Variants in ARNT2 observed in about 807,000 individuals in gnomAD.
ARNT2 encodes the protein ARNT protein 2.
ARNT2 carries 36 observed loss-of-function variants against 91.7 expected under a neutral mutation model. The observed-to-expected ratio is 0.39, with a 90% CI of 0.30 to 0.52. ARNT2 has a LOEUF of 0.52. ARNT2 is among the 20% of genes least tolerant of loss of function. ARNT2 has a pLI of 0.72. For synonymous variants in ARNT2, 365 were observed against 347.1 expected (o/e 1.05, Z -0.57); for missense variants, 775 against 939.3 (o/e 0.83, Z 2.29).
chr15:80,467,133 G>T (rs1896667190), intron 3 of ARNT2, among the ~76,000 whole-genome samples: 1 of 150,218 alleles, frequency 6.7e-6, no homozygotes, highest in Non-Finnish European at 1.5e-5. Context: ...TTAAGCGAAG[G>T]CTCTGGTTTG....
chr15:80,537,138 C>T lies in ARNT2; in HGVS notation c.878-14061C>T, dbSNP rs1897838802. Among the ~76,000 whole-genome samples, 3 of 152,186 alleles carry T rather than the reference C, an allele frequency of 2.0e-5. No individual in the cohort carries two copies. In the South Asian group the frequency reaches 6.2e-4, roughly 32 times the overall value. On this transcript the variant is annotated intron_variant, in intron 8 of 18. Transcript: ENST00000303329. ...CAAAGGCCAATTCTGATGAGTCCTG[C>T]TCCAAGGAACCTTCACCAGTTCTGC...
intron 8 of ARNT2, among the ~76,000 whole-genome samples, chr15:80,535,764 C>T (rs1349803846): frequency 1.3e-5 from 2 of 151,502 alleles, no homozygotes; most frequent in East Asian, 1.9e-4. Flanking sequence ...TAAAAGGCCC[C>T]GGACATGCTT....
At chr15:80,490,483 C>T (rs74029825) in intron 5 of ARNT2, among the ~76,000 whole-genome samples, 1,753 of 152,362 alleles carry the variant, frequency 0.012, 35 homozygotes, top group African/African-American at 0.041. Flanking sequence ...GGGACATCCG[C>T]AGTGTCTACT....
chr15:80,574,947 C>T (rs775957738), intron 13 of ARNT2, 40 bp from the exon 14 acceptor site: 26 of 1,605,868 alleles, frequency 1.6e-5, no homozygotes, highest in Middle Eastern at 1.7e-4. Flanking sequence ...CTGTGCCTTA[C>T]GCATGAGTTG....
chr15:80,405,205 G>T (rs962730875), intron 1 of ARNT2, among the ~76,000 whole-genome samples: 1 of 152,238 alleles, frequency 6.6e-6, no homozygotes, highest in Non-Finnish European at 1.5e-5. Flanking sequence ...AGCTCATTAG[G>T]AAATATTTCA....
In ARNT2 at chr15:80,555,137, C is replaced by A; in HGVS notation, c.1162C>A (p.Gln388Lys). 6.2e-7 allele frequency: 1 copy of A among 1,614,116 alleles called. No homozygotes were observed. The highest frequency in any genetic ancestry group is 1.3e-5 in the African/African-American group (1 of 75,044). ...DQSHLRESFQQVVKLKGQVLS... is the reference protein window; with the variant it reads ...DQSHLRESFQKVVKLKGQVLS... ...AAGCCATCTGCGTGAGAGCTTCCAG[C>A]AGGTACATACTGCCAGTACCCACTT... Residue 388 changes from glutamine to lysine, a missense_variant and splice_region_variant, in exon 11 of 19, where the codon CAG (glutamine) becomes AAG (lysine). Coordinates refer to ENST00000303329, the MANE Select transcript of ARNT2 (RefSeq NM_014862.4).
intron 8 of ARNT2, among the ~76,000 whole-genome samples, chr15:80,526,922 T>C (rs1328601225): frequency 6.6e-6 from 1 of 152,198 alleles, no homozygotes. Context: ...CTTGTCTGTA[T>C]TGAGGCCACC....
At chr15:80,474,534 C>G (rs1432546412) in intron 4 of ARNT2, among the ~76,000 whole-genome samples, 1 of 152,190 alleles carries the variant, frequency 6.6e-6, no homozygotes. Context: ...GTACGGCAAG[C>G]TGTGGGTGGG....
chr15:80,464,838 C>T (rs780815811), intron 3 of ARNT2, among the ~76,000 whole-genome samples: 7 of 152,130 alleles, frequency 4.6e-5, no homozygotes, highest in Non-Finnish European at 8.8e-5. Flanking sequence ...CGAGTGTCAC[C>T]GAGGTGGGGC....
At chr15:80,499,266 A>T (rs539122231) in intron 5 of ARNT2, among the ~76,000 whole-genome samples, 1 of 152,170 alleles carries the variant, frequency 6.6e-6, no homozygotes, top group Non-Finnish European at 1.5e-5. Context: ...TCCCCGCTGC[A>T]TCTTGGTGTG....
At position 80,595,489 on chromosome 15, in the gene ARNT2, C is replaced by T. The variant is rs1893361010; in HGVS notation, c.*1791C>T. The T allele has an allele frequency of 6.6e-6, 1 of 152,238 alleles. No homozygotes were observed. Among genetic ancestry groups the T allele is most frequent in the Non-Finnish European group, 1.5e-5 (1 of 68,062 alleles). The allele number at this position is 152,238 out of a possible 1,614,324, so 9.4% of individuals were successfully genotyped here. Reference sequence around the variant, plus strand: ...AGTGTTTGCTGTGATCCATTGAAAGCTCCACATTAAACCCCAGCCCTGTCT... The same window carrying T: ...AGTGTTTGCTGTGATCCATTGAAAGTTCCACATTAAACCCCAGCCCTGTCT... On this transcript the variant is annotated 3_prime_UTR_variant, in exon 19 of 19. Coordinates refer to ENST00000303329, the MANE Select transcript of ARNT2 (RefSeq NM_014862.4).
intron 8 of ARNT2, among the ~76,000 whole-genome samples, chr15:80,538,308 A>G (rs550071403): frequency 1.6e-4 from 24 of 152,198 alleles, no homozygotes; most frequent in Admixed American, 8.5e-4. Flanking sequence ...TTGATTCCAC[A>G]TGCATAGATA....
At chr15:80,481,789 G>A (rs540137517) in intron 5 of ARNT2, among the ~76,000 whole-genome samples, 1 of 152,052 alleles carries the variant, frequency 6.6e-6, no homozygotes, top group South Asian at 2.1e-4. Context: ...TTTAGATATA[G>A]GGTCTCACTA....
chr15:80,412,487 C>T (rs926519811), intron 1 of ARNT2, among the ~76,000 whole-genome samples: 8 of 119,844 alleles, frequency 6.7e-5, no homozygotes, highest in Admixed American at 2.0e-4. Context: ...AGACTTTTTT[C>T]TAAATATTGT....
intron 8 of ARNT2, among the ~76,000 whole-genome samples, chr15:80,527,860 A>G (rs981801294): frequency 1.3e-5 from 2 of 152,186 alleles, no homozygotes; most frequent in African/African-American, 2.4e-5. Context: ...GCTAGGGAAG[A>G]TGGCTGGACA....
intron 1 of ARNT2, among the ~76,000 whole-genome samples, chr15:80,431,284 A>T (rs1405893621): frequency 6.6e-6 from 1 of 152,100 alleles, no homozygotes; most frequent in Non-Finnish European, 1.5e-5. Flanking sequence ...CAGGGGTATC[A>T]CTGGGACCGT....
At chr15:80,499,081 G>T (rs983247937) in intron 5 of ARNT2, among the ~76,000 whole-genome samples, 1 of 152,204 alleles carries the variant, frequency 6.6e-6, no homozygotes, top group Non-Finnish European at 1.5e-5. Flanking sequence ...AGAGGAGGGG[G>T]CATTGCCCAC....
chr15:80,439,610 G>C (rs1233912898), intron 1 of ARNT2, among the ~76,000 whole-genome samples: 1 of 152,202 alleles, frequency 6.6e-6, no homozygotes, highest in Non-Finnish European at 1.5e-5. Context: ...TATTCCATAA[G>C]TTATGAGCTT....
intron 11 of ARNT2, among the ~76,000 whole-genome samples, chr15:80,557,937 A>AT: frequency 6.6e-6 from 1 of 152,234 alleles, no homozygotes; most frequent in Non-Finnish European, 1.5e-5. Context: ...TTAGAATCAA[A>AT]TCCAAGCTCC....
Sources: allele counts gnomAD v4.1 joint callset (sites outside exome capture counted in the v4.1 genomes callset), GRCh38; gene constraint gnomAD v4.1.1; transcripts MANE v1.5; gene names NCBI Gene and HGNC (gene_info 2026-07-23, HGNC 2026-07-21).